Variants in PCNX1 observed in about 807,000 individuals in gnomAD.
PCNX1 encodes pecanex 1.
PCNX1 carries 78 observed loss-of-function variants against 242.2 expected under a neutral mutation model. The observed-to-expected ratio is 0.32, with a 90% CI of 0.27 to 0.39. The LOEUF (loss-of-function observed/expected upper bound fraction) is 0.39, where lower values mean the gene tolerates loss of function less well. Among genes scored for constraint, PCNX1 ranks in the 10% least tolerant of loss-of-function variants. The pLI, the probability that PCNX1 is intolerant of heterozygous loss-of-function variation, is 1.00. For missense variants in PCNX1, 2,581 were observed against 2,856.5 expected (o/e 0.90, Z 2.20); for synonymous variants, 1,024 against 1,032.9 (o/e 0.99, Z 0.17).
rs1021727074 is a variant in PCNX1, at chr14:71,113,476, A to C, written c.*3541A>C. 2.0e-5 allele frequency: 3 copies of C among 152,676 alleles called. No homozygotes were observed. Among genetic ancestry groups the C allele is most frequent in the Admixed American group, 1.3e-4 (2 of 15,282 alleles). The allele number at this position is 152,676 out of a possible 1,614,324, so 9.5% of individuals were successfully genotyped here. A position where few individuals can be genotyped will look rare whatever the true frequency, so the allele number is the denominator to read the frequency against. Reference sequence around the variant, plus strand: ...TTCCATCACATACCAAAATATAAAAATCAGCCTCACATTTTTCAGCAAGTT... The same window carrying C: ...TTCCATCACATACCAAAATATAAAACTCAGCCTCACATTTTTCAGCAAGTT... On this transcript the variant is annotated 3_prime_UTR_variant, in exon 36 of 36. Coordinates refer to ENST00000304743, the MANE Select transcript of PCNX1 (RefSeq NM_014982.3).
At chr14:71,045,348 G>A (rs2060830078) in intron 20 of PCNX1, 65 bp downstream of exon 20, 3 of 1,140,630 alleles carry the variant, frequency 2.6e-6, no homozygotes, top group Admixed American at 2.2e-5. Context: ...TATATTGATA[G>A]ATGACTGAGT....
Position 71,051,880 on chromosome 14 carries a change from T to C in PCNX1, c.4448-3T>C, listed in dbSNP as rs1312113145. On this transcript the variant is annotated splice_region_variant and splice_polypyrimidine_tract_variant and intron_variant, in intron 23 of 35. Transcript: ENST00000304743. ...TCAGTGTCCTTAACTAGTTTTCCCA[T>C]AGATTCAGCCATGCTGTTTATTCAG... The C allele has an allele frequency of 3.1e-6, 5 of 1,610,608 alleles. No individual in the cohort carries two copies. Among genetic ancestry groups the C allele is most frequent in the Non-Finnish European group, 4.2e-6 (5 of 1,178,942 alleles).
intron 1 of PCNX1, among the ~76,000 whole-genome samples, chr14:70,936,247 A>G (rs550146007): frequency 5.5e-4 from 83 of 152,170 alleles, no homozygotes; most frequent in South Asian, 1.0e-3. Flanking sequence ...CGTCATTTAC[A>G]TTAGGTATAT....
At position 71,109,991 on chromosome 14, in the gene PCNX1, A is replaced by C. The variant is rs747205845; in HGVS notation, c.*56A>C. On this transcript the variant is annotated 3_prime_UTR_variant, in exon 36 of 36. Transcript: ENST00000304743. ...TCCCTCTCAATTCCAAGGCATTGGA[A>C]AAAGAGAGGAACAAGCAGAAGATGC... 198 of 1,495,354 alleles carry C rather than the reference A, an allele frequency of 1.3e-4. 1 individual carries two copies. The highest frequency in any genetic ancestry group is 8.5e-4 in the Middle Eastern group (5 of 5,874). The allele number at this position is 1,495,354 out of a possible 1,614,324, so 92.6% of individuals were successfully genotyped here. A position where few individuals can be genotyped will look rare whatever the true frequency, so the allele number is the denominator to read the frequency against.
rs755262434 is a variant in PCNX1 at position 71,109,502 on chromosome 14, A to G, written c.6795A>G (p.Lys2265=). The change falls in exon 35 of 36, where the codon AAA becomes AAG. Residue 2265 remains lysine, a synonymous_variant. Coordinates refer to ENST00000304743, the MANE Select transcript of PCNX1 (RefSeq NM_014982.3). ...ILEGINLSKR[K]ELQWPDEGIR... is the part of the protein sequence containing the mutation. The stretch of plus-strand genomic sequence containing the variant: ...AAGGGATCAACCTGTCTAAAAGGAA[A>G]GAGCTACAGTGGCCTGATGAAGGAA... The G allele has an allele frequency of 9.9e-6, 16 of 1,613,750 alleles. No individual in the cohort carries two copies. Among genetic ancestry groups the G allele is most frequent in the Middle Eastern group, 1.6e-4 (1 of 6,084 alleles).
At chr14:71,100,753 A>G (rs1056500956) in intron 30 of PCNX1, among the ~76,000 whole-genome samples, 16 of 152,182 alleles carry the variant, frequency 1.1e-4, no homozygotes, top group Non-Finnish European at 1.0e-4. Context: ...GTTGCTTTAC[A>G]TAATCCCGTA....
At position 71,073,526 on chromosome 14, in the gene PCNX1, C is replaced by T; in HGVS notation, c.4853-19C>T. 2.3e-6 allele frequency: 3 copies of T among 1,308,918 alleles called. No homozygotes were observed. The highest frequency in any genetic ancestry group is 1.0e-6 in the Non-Finnish European group (1 of 969,906). The allele number at this position is 1,308,918 out of a possible 1,614,324, so 81.1% of individuals were successfully genotyped here. A position where few individuals can be genotyped will look rare whatever the true frequency, so the allele number is the denominator to read the frequency against. The stretch of plus-strand genomic sequence containing the variant: ...TTTCTGGTTTTCCCCCTTTGTAAAG[C>T]TCTCTCTCTCTCTCTAAGGTACCTA... On this transcript the variant is annotated intron_variant, in intron 26 of 35. Transcript: ENST00000304743.
chr14:71,102,802 A>G (rs1474155837), intron 31 of PCNX1, among the ~76,000 whole-genome samples: 1 of 152,090 alleles, frequency 6.6e-6, no homozygotes, highest in African/African-American at 2.4e-5. Flanking sequence ...TATATATGCA[A>G]TTTGGGCAGC....
intron 1 of PCNX1, among the ~76,000 whole-genome samples, chr14:70,912,549 C>T (rs2055967651): frequency 1.3e-5 from 2 of 151,852 alleles, no homozygotes; most frequent in South Asian, 4.2e-4. Flanking sequence ...CCCTAAACAA[C>T]ACTGCCACAA....
intron 5 of PCNX1, among the ~76,000 whole-genome samples, chr14:70,969,634 G>A (rs535399409): frequency 6.6e-6 from 1 of 152,192 alleles, no homozygotes; most frequent in African/African-American, 2.4e-5. Flanking sequence ...TTGTTTCTTT[G>A]CTTCTGTGGA....
intron 30 of PCNX1, among the ~76,000 whole-genome samples, chr14:71,099,546 T>C (rs1332536268): frequency 6.6e-6 from 1 of 152,136 alleles, no homozygotes; most frequent in Non-Finnish European, 1.5e-5. Flanking sequence ...ATAAAAATAA[T>C]GTATAGTCTG....
intron 26 of PCNX1, among the ~76,000 whole-genome samples, chr14:71,067,726 C>T (rs541039617): frequency 6.6e-6 from 1 of 152,090 alleles, no homozygotes; most frequent in African/African-American, 2.4e-5. Flanking sequence ...CTTCTCTGCT[C>T]TCTCTTGTGG....
chr14:70,988,561 A>T lies in PCNX1; in HGVS notation c.2312-6A>T. The T allele has an allele frequency of 1.2e-6, 2 of 1,613,542 alleles. No individual in the cohort carries two copies. Among genetic ancestry groups the T allele is most frequent in the Non-Finnish European group, 1.7e-6 (2 of 1,179,564 alleles). On this transcript the variant is annotated splice_region_variant and splice_polypyrimidine_tract_variant and intron_variant, in intron 6 of 35. Transcript: ENST00000304743. ...TCTTGTTTGACCTAAGTCTGTCTTG[A>T]TGCAGCAGCACAAGCCAGCGAGGAG...
chr14:71,057,865 A>G (rs1595394537), intron 26 of PCNX1, 141 bp downstream of exon 26: 3 of 666,392 alleles, frequency 4.5e-6, no homozygotes, highest in Non-Finnish European at 5.2e-6. Context: ...AAGAGTAAGT[A>G]TTAGATTTTT....
chr14:71,095,125 A>G (rs934581482), intron 30 of PCNX1, among the ~76,000 whole-genome samples: 1 of 150,542 alleles, frequency 6.6e-6, no homozygotes, highest in Non-Finnish European at 1.5e-5. Context: ...CTTGTCCTCT[A>G]TTTAATTGCT....
chr14:71,075,348 A>T (rs1267164319), intron 27 of PCNX1, among the ~76,000 whole-genome samples: 1 of 152,060 alleles, frequency 6.6e-6, no homozygotes, highest in Non-Finnish European at 1.5e-5. Flanking sequence ...GCTGATTGGG[A>T]TGAACGCTGA....
intron 34 of PCNX1, 53 bp downstream of exon 34, chr14:71,109,099 A>C: frequency 7.1e-7 from 1 of 1,406,586 alleles, no homozygotes; most frequent in Non-Finnish European, 9.7e-7. Context: ...ATTTGTTTTT[A>C]TTTCTTATTT....
intron 3 of PCNX1, among the ~76,000 whole-genome samples, chr14:70,967,230 A>G (rs2058406901): frequency 6.6e-6 from 1 of 152,240 alleles, no homozygotes; most frequent in Non-Finnish European, 1.5e-5. Context: ...CAAAGTCAAC[A>G]TTAACTTATA....
At chr14:71,065,805 G>T (rs1167853787) in intron 26 of PCNX1, among the ~76,000 whole-genome samples, 2 of 152,168 alleles carry the variant, frequency 1.3e-5, no homozygotes, top group Non-Finnish European at 2.9e-5. Context: ...GTGTAAGGAA[G>T]GGGTCCAGTT....
Sources: gnomAD v4.1 joint callset for allele counts (sites outside exome capture counted in the v4.1 genomes callset) on GRCh38, gnomAD v4.1.1 for gene constraint, MANE v1.5 for transcripts, NCBI Gene and HGNC (gene_info 2026-07-23, HGNC 2026-07-21) for gene names.